Variants in NELL1 observed in about 807,000 individuals in gnomAD.
The protein encoded by NELL1 is neural EGFL like 1, also known as protein kinase C-binding protein NELL1.
NELL1 carries 76 observed loss-of-function variants against 107.4 expected under a neutral mutation model. The ratio of observed to expected loss-of-function variants is 0.71; its 90% CI spans 0.59 to 0.86. The LOEUF (loss-of-function observed/expected upper bound fraction) is 0.86. Ranked by LOEUF, NELL1 falls within the 40% of genes least tolerant of loss-of-function variation. The pLI is 0.00. For missense variants in NELL1, 1,024 were observed against 1,005.5 expected, an observed-to-expected ratio of 1.02 and a Z score of -0.25; for synonymous variants, 353 against 341.2, an observed-to-expected ratio of 1.03 and a Z score of -0.38.
intron 13 of NELL1, among the ~76,000 whole-genome samples, chr11:21,225,350 T>C (rs1590749666): frequency 6.6e-6 from 1 of 152,218 alleles, no homozygotes; most frequent in East Asian, 1.9e-4. Context: ...CTGTAAGGGC[T>C]GTGAGGCTCT....
intron 15 of NELL1, among the ~76,000 whole-genome samples, chr11:21,377,439 C>A (rs1851506144): frequency 6.6e-6 from 1 of 152,018 alleles, no homozygotes; most frequent in Admixed American, 6.6e-5. Context: ...CTGTTGAATG[C>A]AGTTTGCTAG....
At chr11:21,419,236 A>G (rs557125777) in intron 15 of NELL1, among the ~76,000 whole-genome samples, 18 of 152,210 alleles carry the variant, frequency 1.2e-4, no homozygotes, top group African/African-American at 4.1e-4. Context: ...AAAGGTAAAA[A>G]TTAGTGAGAG....
chr11:21,567,042 T>C (rs562551499), intron 17 of NELL1, among the ~76,000 whole-genome samples: 2 of 151,844 alleles, frequency 1.3e-5, no homozygotes, highest in Non-Finnish European at 2.9e-5. Flanking sequence ...GACATTCTTA[T>C]TGAGTCTCAT....
At chr11:21,273,104 C>T (rs901968115) in intron 14 of NELL1, among the ~76,000 whole-genome samples, 6 of 152,178 alleles carry the variant, frequency 3.9e-5, no homozygotes, top group East Asian at 1.9e-4. Flanking sequence ...CAAACTACTC[C>T]GAGCTACAGG....
At chr11:21,252,792 A>T (rs2133912506) in intron 14 of NELL1, among the ~76,000 whole-genome samples, 1 of 152,306 alleles carries the variant, frequency 6.6e-6, no homozygotes, top group East Asian at 1.9e-4. Flanking sequence ...AAGGTCATTA[A>T]GAATAACACA....
intron 13 of NELL1, among the ~76,000 whole-genome samples, chr11:21,179,911 T>C (rs1380646575): frequency 2.5e-5 from 3 of 120,218 alleles, no homozygotes; most frequent in Non-Finnish European, 4.9e-5. Flanking sequence ...AAGTAAATAT[T>C]TTAGGTTTCA....
rs1056826417 is a variant in NELL1, at chr11:21,175,373, T to C, written c.1427-53959T>C. ...GAGAGTCAATGTTAGAGCTTGATTT[T>C]ATTGTGAATGCACATATGTTATATC... On this transcript the variant is annotated intron_variant, in intron 13 of 19. Coordinates refer to ENST00000357134, the MANE Select transcript of NELL1 (RefSeq NM_006157.5). 4.1e-4 allele frequency among the ~76,000 whole-genome samples: 63 copies of C among 151,876 alleles called. 2 individuals carry two copies. Among genetic ancestry groups the C allele is most frequent in the African/African-American group, 1.5e-3 (60 of 41,150 alleles).
intron 15 of NELL1, among the ~76,000 whole-genome samples, chr11:21,454,258 T>C (rs1479697099): frequency 6.7e-6 from 1 of 150,084 alleles, no homozygotes; most frequent in Non-Finnish European, 1.5e-5. Flanking sequence ...GGACATGAAC[T>C]CATCATTTTT....
intron 13 of NELL1, among the ~76,000 whole-genome samples, chr11:21,214,809 G>A (rs10833477): frequency 6.7e-6 from 1 of 149,934 alleles, no homozygotes; most frequent in South Asian, 2.1e-4. Flanking sequence ...GGGTGGGAAA[G>A]GTTGAGTGGG....
At chr11:21,233,481 T>C (rs1033706744) in intron 14 of NELL1, among the ~76,000 whole-genome samples, 1 of 152,164 alleles carries the variant, frequency 6.6e-6, no homozygotes, top group Non-Finnish European at 1.5e-5. Flanking sequence ...CCCTCACACA[T>C]TGTATTCTAA....
rs377577518 is a variant in NELL1 at position 20,990,352 on chromosome 11, G to A, written c.1300+29792G>A. 7.2e-5 allele frequency among the ~76,000 whole-genome samples: 11 copies of A among 152,150 alleles called. No individual in the cohort carries two copies. The South Asian group carries it at 8.3e-4, about 11-fold the overall frequency. Reference sequence around the variant, plus strand: ...ACTGCTGAAGTCTCCTCACCCAACCGGTAACTATTTTGGATGTGGCCTTGG... The same window carrying A: ...ACTGCTGAAGTCTCCTCACCCAACCAGTAACTATTTTGGATGTGGCCTTGG... On this transcript the variant is annotated intron_variant, in intron 12 of 19. Transcript: ENST00000357134.
At chr11:20,680,845 C>G (rs1479944454) in intron 2 of NELL1, among the ~76,000 whole-genome samples, 1 of 152,140 alleles carries the variant, frequency 6.6e-6, no homozygotes, top group Non-Finnish European at 1.5e-5. Context: ...TGTGTCCTCT[C>G]TCAGTCTTCT....
chr11:21,380,350 G>A lies in NELL1; in HGVS notation c.1645+9402G>A, dbSNP rs1403008570. ...TCTTTTAAAATTCTATTAAAGTCAG[G>A]TAAATGTGAATATGGTTTGAAGAAT... On this transcript the variant is annotated intron_variant, in intron 15 of 19. Coordinates refer to ENST00000357134, the MANE Select transcript of NELL1 (RefSeq NM_006157.5). Among the ~76,000 whole-genome samples the A allele has an allele frequency of 2.6e-5, 4 of 152,036 alleles. No individual in the cohort carries two copies. In the East Asian group the frequency reaches 7.8e-4, roughly 30 times the overall value.
chr11:21,010,260 C>G (rs1004394648), intron 12 of NELL1, among the ~76,000 whole-genome samples: 1 of 152,034 alleles, frequency 6.6e-6, no homozygotes, highest in Non-Finnish European at 1.5e-5. Flanking sequence ...TACTTCCATT[C>G]TTTTCTTCTA....
intron 10 of NELL1, among the ~76,000 whole-genome samples, chr11:20,940,058 G>T (rs1015230935): frequency 2.0e-5 from 3 of 152,140 alleles, no homozygotes; most frequent in Non-Finnish European, 2.9e-5. Flanking sequence ...GGCTTGACAT[G>T]GCTGGCTATC....
At chr11:21,151,416 G>A (rs1176664078) in intron 13 of NELL1, among the ~76,000 whole-genome samples, 1 of 152,114 alleles carries the variant, frequency 6.6e-6, no homozygotes, top group Non-Finnish European at 1.5e-5. Flanking sequence ...TATGTATGGA[G>A]TGTGTGTGGT....
chr11:21,434,867 G>A (rs916495412), intron 15 of NELL1, among the ~76,000 whole-genome samples: 1 of 151,800 alleles, frequency 6.6e-6, no homozygotes, highest in African/African-American at 2.4e-5. Flanking sequence ...TCAACATTTT[G>A]TAGTTTTTAT....
intron 12 of NELL1, among the ~76,000 whole-genome samples, chr11:20,981,758 G>T (rs1477355268): frequency 1.3e-5 from 2 of 152,120 alleles, no homozygotes; most frequent in Non-Finnish European, 2.9e-5. Flanking sequence ...ACTCGTGTTG[G>T]TATATAAAAG....
At chr11:20,699,075 G>A (rs184320730) in intron 2 of NELL1, among the ~76,000 whole-genome samples, 1 of 152,028 alleles carries the variant, frequency 6.6e-6, no homozygotes. Flanking sequence ...AAATTAGCTG[G>A]GCATGGTGGC....
Sources: allele counts gnomAD v4.1 joint callset (sites outside exome capture counted in the v4.1 genomes callset), GRCh38; gene constraint gnomAD v4.1.1; transcripts MANE v1.5; gene names NCBI Gene and HGNC (gene_info 2026-07-23, HGNC 2026-07-21).